CDH23: variants seen among roughly 807,000 people sequenced by gnomAD.
The protein encoded by CDH23 is cadherin related 23, also known as cadherin-23.
In CDH23, 189 loss-of-function variants were observed where a neutral mutation model predicts 317.1. The observed-to-expected ratio is 0.60, with a 90% CI of 0.53 to 0.67. CDH23 has a LOEUF of 0.67. Ranked by LOEUF, CDH23 falls within the 30% of genes least tolerant of loss-of-function variation. The pLI, the probability that CDH23 is intolerant of heterozygous loss-of-function variation, is 0.00. For missense variants in CDH23, 4,401 were observed against 4,592.4 expected, an observed-to-expected ratio of 0.96 and a Z score of 1.20; for synonymous variants, 1,839 against 1,876.8, an observed-to-expected ratio of 0.98 and a Z score of 0.52.
At chr10:71,681,547 G>A (rs1035021535) in intron 17 of CDH23, among the ~76,000 whole-genome samples, 4 of 152,160 alleles carry the variant, frequency 2.6e-5, no homozygotes, top group African/African-American at 7.2e-5. Context: ...ACCTAACCCC[G>A]AGTACCTCCC....
At chr10:71,599,884 T>C (rs1860103190) in intron 9 of CDH23, among the ~76,000 whole-genome samples, 1 of 152,176 alleles carries the variant, frequency 6.6e-6, no homozygotes, top group South Asian at 2.1e-4. Flanking sequence ...TTTAAGCATC[T>C]TTCCATTTTC....
chr10:71,713,507 G>A, intron 28 of CDH23: 2 of 547,798 alleles, frequency 3.7e-6, no homozygotes, highest in South Asian at 2.2e-5. Flanking sequence ...AGCGTGGGAG[G>A]CTGGCAATGC....
chr10:71,593,562 G>A (rs776642355), intron 9 of CDH23, among the ~76,000 whole-genome samples: 11 of 152,146 alleles, frequency 7.2e-5, no homozygotes, highest in African/African-American at 2.7e-4. Context: ...TTAAAACCAA[G>A]GAACTAATAG....
At chr10:71,556,774 C>T (rs564995865) in intron 6 of CDH23, among the ~76,000 whole-genome samples, 65 of 152,290 alleles carry the variant, frequency 4.3e-4, no homozygotes, top group African/African-American at 1.5e-3. Flanking sequence ...ACTCCTGCTT[C>T]CCACCCATAG....
chr10:71,423,311 C>T (rs1848898638), intron 1 of CDH23, among the ~76,000 whole-genome samples: 1 of 152,198 alleles, frequency 6.6e-6, no homozygotes, highest in Non-Finnish European at 1.5e-5. Flanking sequence ...TGGCCAAGCC[C>T]TGTTGAAGGA....
intron 14 of CDH23, among the ~76,000 whole-genome samples, chr10:71,657,923 A>G (rs1481006299): frequency 1.3e-5 from 2 of 151,618 alleles, no homozygotes; most frequent in Non-Finnish European, 1.5e-5. Flanking sequence ...GGACACATAC[A>G]CACACACACA....
intron 51 of CDH23, 44 bp from the exon 52 acceptor site, chr10:71,799,448 G>A (rs1188485347): frequency 1.2e-6 from 2 of 1,613,468 alleles, no homozygotes; most frequent in South Asian, 2.2e-5. Context: ...CGGGCTCTGG[G>A]ACTGACCTTG....
intron 6 of CDH23, among the ~76,000 whole-genome samples, chr10:71,521,737 G>A (rs1854696948): frequency 6.6e-6 from 1 of 152,230 alleles, no homozygotes; most frequent in African/African-American, 2.4e-5. Context: ...AGCAGCTGCT[G>A]AGGGCCGGCC....
intron 3 of CDH23, among the ~76,000 whole-genome samples, chr10:71,482,204 C>T (rs1852104642): frequency 6.6e-6 from 1 of 152,126 alleles, no homozygotes; most frequent in Non-Finnish European, 1.5e-5. Flanking sequence ...CTCTTTCTTC[C>T]TTGCTCCCTT....
chr10:71,626,971 G>T (rs528549131), intron 11 of CDH23, among the ~76,000 whole-genome samples: 1 of 152,102 alleles, frequency 6.6e-6, no homozygotes, highest in Non-Finnish European at 1.5e-5. Context: ...TCATTGCCTC[G>T]CCCCATGCCG....
At chr10:71,587,733 G>T (rs142137512) in intron 9 of CDH23, among the ~76,000 whole-genome samples, 1 of 152,182 alleles carries the variant, frequency 6.6e-6, no homozygotes, top group Admixed American at 6.5e-5. Context: ...CCTGAGACGA[G>T]CCCCTCTAAG....
chr10:71,748,841 G>T (rs1324338573), intron 38 of CDH23: 1 of 152,760 alleles, frequency 6.5e-6, no homozygotes, highest in African/African-American at 2.4e-5. Context: ...GCAGCAGCAG[G>T]GAGGGACGTC....
At chr10:71,738,390 C>A (rs1442993457) in intron 34 of CDH23, 108 bp from the exon 35 acceptor site, 2 of 1,343,578 alleles carry the variant, frequency 1.5e-6, no homozygotes, top group Non-Finnish European at 2.1e-6. Context: ...TGCTGATGTT[C>A]CAGAACCCAC....
chr10:71,786,488 C>CTTTTTTT lies in CDH23; in HGVS notation c.5820+765_5820+771dup, dbSNP rs71018221. On this transcript the variant is annotated intron_variant, in intron 44 of 69. Coordinates refer to ENST00000224721, the MANE Select transcript of CDH23 (RefSeq NM_022124.6). ...ATGTGGTGCTCCTCTGCTTCCTACT[C>CTTTTTTT]TTTTTTTTTTTTTTTTTTTTTGAGA... Among the ~76,000 whole-genome samples, 4 of 105,376 alleles carry CTTTTTTT rather than the reference C, an allele frequency of 3.8e-5. 1 individual carries two copies. Among genetic ancestry groups the CTTTTTTT allele is most frequent in the African/African-American group, 4.0e-5 (1 of 25,032 alleles). 69.1% of individuals were successfully genotyped at this position (105,376 alleles called of 152,430 possible).
At chr10:71,752,699 G>A (rs938468592) in intron 38 of CDH23, among the ~76,000 whole-genome samples, 2 of 152,206 alleles carry the variant, frequency 1.3e-5, no homozygotes, top group African/African-American at 2.4e-5. Flanking sequence ...GCCCCAGACA[G>A]TGCTTCCTCC....
At chr10:71,727,108 C>T (rs1190767815) in intron 30 of CDH23, among the ~76,000 whole-genome samples, 5 of 152,192 alleles carry the variant, frequency 3.3e-5, no homozygotes, top group South Asian at 2.1e-4. Context: ...CTAAATGCCT[C>T]GTGTACTTTA....
chr10:71,682,419 G>T, intron 17 of CDH23, 26 bp from the exon 18 acceptor site: 1 of 1,609,482 alleles, frequency 6.2e-7, no homozygotes, highest in Non-Finnish European at 8.5e-7. Flanking sequence ...CTTACAGAGG[G>T]ATCTGGCCTG....
intron 18 of CDH23, among the ~76,000 whole-genome samples, chr10:71,686,241 G>A (rs575143699): frequency 9.7e-4 from 147 of 152,080 alleles, no homozygotes; most frequent in South Asian, 6.6e-3. Context: ...TCTCCACACC[G>A]TTTCGTGCAG....
intron 22 of CDH23, among the ~76,000 whole-genome samples, chr10:71,697,230 A>G (rs1481970718): frequency 2.0e-5 from 3 of 152,128 alleles, no homozygotes; most frequent in African/African-American, 7.2e-5. Flanking sequence ...CCTGCCCTCC[A>G]CATGTCCTTC....
Sources: gnomAD v4.1 joint callset for allele counts (sites outside exome capture counted in the v4.1 genomes callset) on GRCh38, gnomAD v4.1.1 for gene constraint, MANE v1.5 for transcripts, NCBI Gene and HGNC (gene_info 2026-07-23, HGNC 2026-07-21) for gene names.